UCKL1: variants seen among roughly 807,000 people sequenced by gnomAD.
The protein encoded by UCKL1 is uridine-cytidine kinase 1 like 1, also known as uridine-cytidine kinase-like 1.
UCKL1 carries 65 observed loss-of-function variants against 59.2 expected under a neutral mutation model. That is an observed-to-expected ratio of 1.10 (90% confidence interval 0.90 to 1.35). UCKL1 has a LOEUF of 1.35. Among genes scored for constraint, UCKL1 ranks in the 40% most tolerant of loss-of-function variants. The pLI, the probability that UCKL1 is intolerant of heterozygous loss-of-function variation, is 0.00. For missense variants in UCKL1, 703 were observed against 784.3 expected (o/e 0.90, Z 1.24); for synonymous variants, 410 against 323.1 (o/e 1.27, Z -2.88).
intron 8 of UCKL1, 38 bp from the exon 9 acceptor site, chr20:63,941,246 T>C: frequency 6.9e-7 from 1 of 1,459,544 alleles, no homozygotes; most frequent in Non-Finnish European, 9.0e-7. Context: ...AAGAAGGGGG[T>C]CTTTTCCCAG....
chr20:63,949,686 C>T (rs987864208), intron 1 of UCKL1, among the ~76,000 whole-genome samples: 6 of 152,202 alleles, frequency 3.9e-5, no homozygotes, highest in African/African-American at 1.4e-4. Context: ...TCCAGGCGGC[C>T]CCTCCCCTCT....
At position 63,956,366 on chromosome 20, in the gene UCKL1, C is replaced by G. The variant is rs749604508; in HGVS notation, c.7G>C (p.Ala3Pro). Residue 3 changes from alanine (A) to proline (P), a missense_variant, in exon 1 of 15, where the codon GCG becomes CCG. Around this residue, in one of 4 missense-constraint regions of UCKL1, gnomAD observed 398 missense variants for 373.0 expected, o/e 1.07. Coordinates refer to ENST00000354216, the MANE Select transcript of UCKL1 (RefSeq NM_017859.4). ...TCAGCGTCCGCGCGGGCCGGGGGCG[C>G]AGCCATGGCGCTCGGAGGCCTCTTT... MA[A>P]PPARADADPS... 3.9e-6 allele frequency: 6 copies of G among 1,519,858 alleles called. No homozygotes were observed. The African/African-American group carries it at 5.7e-5, about 15-fold the overall frequency. 94.1% of individuals were successfully genotyped at this position (1,519,858 alleles called of 1,614,324 possible).
rs528181791 is a variant in UCKL1 at position 63,950,288 on chromosome 20, A to G, written c.114-3645T>C. 2.0e-5 allele frequency among the ~76,000 whole-genome samples: 3 copies of G among 152,316 alleles called. No individual in the cohort carries two copies. In the South Asian group the frequency reaches 6.2e-4, roughly 32 times the overall value. ...CGGTTCACAAGCAGCACCCCTTGAC[A>G]GGAAAGTTGGCCGGGTGTGGTGGCT... On this transcript the variant is annotated intron_variant, in intron 1 of 14. Transcript: ENST00000354216.
At chr20:63,950,045 C>T (rs1442317448) in intron 1 of UCKL1, among the ~76,000 whole-genome samples, 2 of 152,258 alleles carry the variant, frequency 1.3e-5, no homozygotes, top group African/African-American at 4.8e-5. Context: ...CACCGCAGAT[C>T]CCTCCTGAGG....
chr20:63,947,859 C>T (rs2056662335), intron 1 of UCKL1, among the ~76,000 whole-genome samples: 1 of 152,256 alleles, frequency 6.6e-6, no homozygotes, highest in South Asian at 2.1e-4. Context: ...ACTGCACGTG[C>T]TGGACCGGCA....
chr20:63,943,781 C>T, intron 7 of UCKL1, 112 bp from the exon 8 acceptor site: 5 of 1,508,182 alleles, frequency 3.3e-6, no homozygotes, highest in Admixed American at 1.7e-5. Flanking sequence ...CGCGGGGACA[C>T]AGCCAGCCAT....
chr20:63,954,481 C>G (rs1014613162), intron 1 of UCKL1: 5 of 152,198 alleles, frequency 3.3e-5, no homozygotes, highest in African/African-American at 1.2e-4. Flanking sequence ...GGACAGACCT[C>G]CACCCGTGCA....
intron 6 of UCKL1, 29 bp from the exon 7 acceptor site, chr20:63,944,487 G>C (rs370656206): frequency 1.2e-5 from 19 of 1,577,680 alleles, no homozygotes; most frequent in Non-Finnish European, 1.6e-5. Flanking sequence ...GCGGGTGACC[G>C]GGGGCTGGGC....
chr20:63,952,088 C>A (rs867478187), intron 1 of UCKL1, among the ~76,000 whole-genome samples: 2 of 152,200 alleles, frequency 1.3e-5, no homozygotes, highest in African/African-American at 4.8e-5. Context: ...CTGTCTGTGT[C>A]CACAGGTGCT....
chr20:63,955,130 C>T (rs939920284), intron 1 of UCKL1: 8 of 152,196 alleles, frequency 5.3e-5, no homozygotes, highest in Non-Finnish European at 1.5e-5. Context: ...ACCTGTAATT[C>T]CAGCTACTCG....
At chr20:63,952,975 C>T (rs1175150830) in intron 1 of UCKL1, among the ~76,000 whole-genome samples, 2 of 152,364 alleles carry the variant, frequency 1.3e-5, no homozygotes, top group South Asian at 2.1e-4. Context: ...GGTGGCCGGG[C>T]GCGGTGGCTC....
intron 1 of UCKL1, among the ~76,000 whole-genome samples, chr20:63,948,769 G>A (rs1365410553): frequency 2.0e-5 from 3 of 151,612 alleles, no homozygotes; most frequent in African/African-American, 7.3e-5. Flanking sequence ...TCACTCTCTG[G>A]CCACCAAGAT....
chr20:63,945,041 G>C (rs975772156), intron 5 of UCKL1, among the ~76,000 whole-genome samples: 1 of 152,234 alleles, frequency 6.6e-6, no homozygotes, highest in Non-Finnish European at 1.5e-5. Flanking sequence ...GCTGGCTAAG[G>C]AATCAGGCAG....
chr20:63,944,370 G>A (rs1400964065), intron 7 of UCKL1, 27 bp downstream of exon 7: 2 of 1,541,780 alleles, frequency 1.3e-6, no homozygotes, highest in African/African-American at 1.4e-5. Context: ...TGGGGGCTAG[G>A]CCGTGGGGAC....
rs573635648 is a variant in UCKL1 at position 63,944,549 on chromosome 20, G to A, written c.840C>T (p.Pro280=). ...CAGGCAGCCCAGCAGGCTCACCTCT[G>A]GGGACCACGATGTCTGCCAGGCGCA... is the stretch of plus-strand genomic sequence containing the variant. ...PTMRLADIVV[P]RGSGNTVAID... is the part of the protein sequence containing the mutation. Residue 280 remains proline, a synonymous_variant, in exon 6 of 15, where the codon CCC becomes CCT. Transcript: ENST00000354216. 2 of 1,609,498 alleles carry A rather than the reference G, an allele frequency of 1.2e-6. No individual in the cohort carries two copies. Among genetic ancestry groups the A allele is most frequent in the African/African-American group, 1.3e-5 (1 of 75,022 alleles).
intron 1 of UCKL1, among the ~76,000 whole-genome samples, chr20:63,951,906 A>G (rs2057683961): frequency 6.6e-6 from 1 of 152,192 alleles, no homozygotes. Flanking sequence ...CCAGGGGCAG[A>G]CAGGTCAGCC....
At chr20:63,947,595 T>C (rs1601195146) in intron 1 of UCKL1, among the ~76,000 whole-genome samples, 1 of 152,244 alleles carries the variant, frequency 6.6e-6, no homozygotes, top group East Asian at 1.9e-4. Context: ...CGGCCTGGCC[T>C]CTCTGGCTGT....
At chr20:63,950,798 A>G in intron 1 of UCKL1, 1 of 1,540,180 alleles carries the variant, frequency 6.5e-7, no homozygotes, top group African/African-American at 1.4e-5. Context: ...TGAGATCCTG[A>G]TGCCAGGGTA....
rs781451547 is a variant in UCKL1, at chr20:63,948,761, ACT to A, written c.114-2120_114-2119del. ...GCACACACCAGCCCTAACCATGATCACTCTCTGGCCACCAAGATTTGGAACAG... is the reference window on the plus strand; with the variant it reads ...GCACACACCAGCCCTAACCATGATCACTCTGGCCACCAAGATTTGGAACAG... On this transcript the variant is annotated intron_variant, in intron 1 of 14. Coordinates refer to ENST00000354216, the MANE Select transcript of UCKL1 (RefSeq NM_017859.4). Among the ~76,000 whole-genome samples the A allele has an allele frequency of 1.9e-4, 28 of 151,332 alleles. No individual in the cohort carries two copies. In the East Asian group the frequency reaches 4.5e-3, roughly 24 times the overall value.
Sources: gnomAD v4.1 joint callset for allele counts (sites outside exome capture counted in the v4.1 genomes callset) on GRCh38, gnomAD v4.1.1 for gene constraint, gnomAD v4.1.1 regional missense constraint, MANE v1.5 for transcripts, NCBI Gene and HGNC (gene_info 2026-07-23, HGNC 2026-07-21) for gene names.